Variants in PACRG observed in about 807,000 individuals in gnomAD.
The protein encoded by PACRG is parkin coregulated.
In PACRG, 29 loss-of-function variants were observed where a neutral mutation model predicts 29.7. That is an observed-to-expected ratio of 0.98 (90% CI 0.73 to 1.33). The LOEUF is 1.33. Ranked by LOEUF, PACRG falls within the 40% of genes most tolerant of loss-of-function variation. PACRG has a pLI of 0.00. For synonymous variants in PACRG, 116 were observed against 118.7 expected (o/e 0.98, Z 0.15); for missense variants, 279 against 316.2 (o/e 0.88, Z 0.89).
intron 1 of PACRG, among the ~76,000 whole-genome samples, chr6:162,778,523 T>G (rs1783830201): frequency 6.6e-6 from 1 of 152,182 alleles, no homozygotes; most frequent in African/African-American, 2.4e-5. Flanking sequence ...CAATACAAAC[T>G]TAGAGGTTGC....
At chr6:163,001,932 T>C (rs1239688989) in intron 2 of PACRG, among the ~76,000 whole-genome samples, 1 of 152,232 alleles carries the variant, frequency 6.6e-6, no homozygotes, top group African/African-American at 2.4e-5. Context: ...ACCCATCTAA[T>C]ATAATTACCC....
chr6:163,288,594 T>A (rs557392772), intron 4 of PACRG, among the ~76,000 whole-genome samples: 1 of 152,242 alleles, frequency 6.6e-6, no homozygotes, highest in East Asian at 1.9e-4. Flanking sequence ...AAAAATCCCA[T>A]GTTGCCAAGT....
rs1416642587 is a variant in PACRG, at chr6:163,004,366, T to G, written c.292-57784T>G. Among the ~76,000 whole-genome samples the G allele has an allele frequency of 2.0e-5, 3 of 152,100 alleles. No homozygotes were observed. The East Asian group carries it at 5.8e-4, about 29-fold the overall frequency. ...GGGTAATTTATAAAAGAAAGATGTT[T>G]AATTGACTCATAGTTCAACATGCTG... On this transcript the variant is annotated intron_variant, in intron 2 of 4. Coordinates refer to ENST00000366888, the MANE Select transcript of PACRG (RefSeq NM_001080379.2).
chr6:162,910,578 T>G (rs1010044321), intron 2 of PACRG, among the ~76,000 whole-genome samples: 5 of 152,198 alleles, frequency 3.3e-5, no homozygotes, highest in East Asian at 1.9e-4. Context: ...CAAAAACCAT[T>G]ATATTAAACC....
intron 2 of PACRG, among the ~76,000 whole-genome samples, chr6:162,994,757 C>T (rs1803805518): frequency 6.7e-6 from 1 of 150,274 alleles, no homozygotes; most frequent in South Asian, 2.1e-4. Context: ...AGTCATTCTC[C>T]ATCCAGCTTT....
chr6:163,001,478 A>T (rs894699120), intron 2 of PACRG, among the ~76,000 whole-genome samples: 9 of 152,210 alleles, frequency 5.9e-5, no homozygotes, highest in African/African-American at 2.2e-4. Flanking sequence ...GGTAAACAGA[A>T]AGCAGAATAG....
chr6:163,198,135 G>T (rs1160428734), intron 4 of PACRG, among the ~76,000 whole-genome samples: 2 of 152,162 alleles, frequency 1.3e-5, no homozygotes. Flanking sequence ...TTTCAAGTAG[G>T]CATTTCAGTC....
chr6:162,740,788 C>T lies in PACRG; in HGVS notation c.156+12397C>T, dbSNP rs557496433. 1.9e-4 allele frequency among the ~76,000 whole-genome samples: 28 copies of T among 149,644 alleles called. No homozygotes were observed. In the South Asian group the frequency reaches 3.2e-3, roughly 17 times the overall value. ...CTAATTTTTGTATTTTTAGTAGAAA[C>T]GGGGGTTTCACCATGTTAGCCAGGA... On this transcript the variant is annotated intron_variant, in intron 1 of 4. Transcript: ENST00000366888.
chr6:163,115,491 T>C (rs1212504906), intron 4 of PACRG, among the ~76,000 whole-genome samples: 1 of 152,120 alleles, frequency 6.6e-6, no homozygotes, highest in Non-Finnish European at 1.5e-5. Context: ...AGTGGATGCA[T>C]ACAAAATGAA....
At chr6:162,881,693 T>TCTCCAACAAG (rs1793860410) in intron 2 of PACRG, among the ~76,000 whole-genome samples, 2 of 148,758 alleles carry the variant, frequency 1.3e-5, no homozygotes, top group South Asian at 4.4e-4. Context: ...TCTCCAACAA[T>TCTCCAACAAG]ACCAGAGACT....
chr6:162,893,574 A>G (rs1242760359), intron 2 of PACRG, among the ~76,000 whole-genome samples: 4 of 152,128 alleles, frequency 2.6e-5, no homozygotes, highest in African/African-American at 9.7e-5. Context: ...CGTGCCCCAG[A>G]TCTACACTCC....
intron 2 of PACRG, among the ~76,000 whole-genome samples, chr6:163,048,917 A>C (rs561963680): frequency 6.6e-6 from 1 of 152,254 alleles, no homozygotes; most frequent in South Asian, 2.1e-4. Context: ...GTGCTTATTC[A>C]GCTTTCCAAA....
chr6:162,762,336 A>G (rs1352336230), intron 1 of PACRG, among the ~76,000 whole-genome samples: 1 of 152,156 alleles, frequency 6.6e-6, no homozygotes, highest in Non-Finnish European at 1.5e-5. Context: ...AGAGTTATGT[A>G]AGGCATGTTT....
intron 2 of PACRG, among the ~76,000 whole-genome samples, chr6:162,893,012 G>A (rs1353907610): frequency 6.6e-6 from 1 of 150,526 alleles, no homozygotes; most frequent in East Asian, 2.0e-4. Flanking sequence ...AGCCTCAGGA[G>A]CCTCGGCCCA....
chr6:162,838,485 A>G (rs189828009), intron 2 of PACRG, among the ~76,000 whole-genome samples: 4 of 152,296 alleles, frequency 2.6e-5, no homozygotes, highest in Non-Finnish European at 4.4e-5. Context: ...AATAACTTCA[A>G]AGAAGGCTGG....
intron 4 of PACRG, among the ~76,000 whole-genome samples, chr6:163,227,249 C>T (rs2128161472): frequency 6.6e-6 from 1 of 152,204 alleles, no homozygotes; most frequent in South Asian, 2.1e-4. Context: ...GGAGCACGCA[C>T]ATCACAAGAT....
At chr6:163,193,503 C>T (rs965700900) in intron 4 of PACRG, among the ~76,000 whole-genome samples, 1 of 152,028 alleles carries the variant, frequency 6.6e-6, no homozygotes, top group South Asian at 2.1e-4. Context: ...AGGGGCTGCC[C>T]GGCCAGAAAT....
intron 2 of PACRG, among the ~76,000 whole-genome samples, chr6:162,829,588 C>G (rs531226558): frequency 6.6e-6 from 1 of 152,238 alleles, no homozygotes; most frequent in African/African-American, 2.4e-5. Context: ...TTTTGGTGAA[C>G]GATGAACTGC....
At chr6:163,191,390 C>T (rs887709381) in intron 4 of PACRG, among the ~76,000 whole-genome samples, 9 of 152,130 alleles carry the variant, frequency 5.9e-5, no homozygotes, top group Non-Finnish European at 1.2e-4. Flanking sequence ...TTCTCTGACC[C>T]CCACACCTTT....
Sources: allele counts gnomAD v4.1 joint callset (sites outside exome capture counted in the v4.1 genomes callset), GRCh38; gene constraint gnomAD v4.1.1; transcripts MANE v1.5; gene names NCBI Gene and HGNC (gene_info 2026-07-23, HGNC 2026-07-21).